TBCB: variants seen among roughly 807,000 people sequenced by gnomAD.
TBCB encodes the protein tubulin-folding cofactor B.
A neutral mutation model predicts 29.2 loss-of-function variants in TBCB; 18 were observed. The ratio of observed to expected loss-of-function variants is 0.62; its 90% CI spans 0.43 to 0.91. The LOEUF (loss-of-function observed/expected upper bound fraction) is 0.91. Among genes scored for constraint, TBCB ranks in the 40% least tolerant of loss-of-function variants. TBCB has a pLI of 0.00. For missense variants in TBCB, 336 were observed against 337.6 expected, an observed-to-expected ratio of 1.00 and a Z score of 0.04; for synonymous variants, 172 against 137.8, an observed-to-expected ratio of 1.25 and a Z score of -1.74.
At chr19:36,120,941 T>A (rs1014726206) in intron 3 of TBCB, 135 bp downstream of exon 3, 1 of 776,986 alleles carries the variant, frequency 1.3e-6, no homozygotes, top group Non-Finnish European at 2.1e-6. Flanking sequence ...TGGGAGGATA[T>A]AGGGGTGAGG....
intron 1 of TBCB, 119 bp from the exon 2 acceptor site, chr19:36,115,922 C>A: frequency 2.1e-6 from 3 of 1,426,368 alleles, no homozygotes; most frequent in Non-Finnish European, 2.9e-6. Flanking sequence ...GGCTGGATTG[C>A]GGCCCCGTGC....
chr19:36,120,904 A>T, intron 3 of TBCB, 98 bp downstream of exon 3: 2 of 1,125,734 alleles, frequency 1.8e-6, no homozygotes, highest in Non-Finnish European at 1.3e-6. Context: ...CAGGGAGGCC[A>T]GTGGTGTAGA....
rs764406339 is a variant in TBCB, at chr19:36,115,654, C to T, written c.94C>T (p.Leu32Phe). The part of the protein sequence containing the change: ...FRSEKRYSRS[L>F]TIAEFKCKLE... The stretch of plus-strand genomic sequence containing the variant: ...CTCCGAGAAGCGATACAGCCGCAGC[C>T]TCACCATCGCTGAGTTCAAGGTGTG... The change falls in exon 1 of 6, where the codon CTC becomes TTC. Residue 32 changes from leucine (L) to phenylalanine (F), a missense_variant. Physicochemically the swap from Leu to Phe is conservative, Grantham distance 22. Transcript: ENST00000221855. 3 of 1,604,296 alleles carry T rather than the reference C, an allele frequency of 1.9e-6. No homozygotes were observed. Among genetic ancestry groups the T allele is most frequent in the South Asian group, 1.1e-5 (1 of 89,302 alleles).
intron 4 of TBCB, among the ~76,000 whole-genome samples, chr19:36,124,435 G>A (rs1974104595): frequency 6.6e-6 from 1 of 152,022 alleles, no homozygotes; most frequent in Non-Finnish European, 1.5e-5. Context: ...TGGCCAGGCT[G>A]GTCTCAAACT....
At position 36,115,525 on chromosome 19, in the gene TBCB, T is replaced by A. The variant is rs774181334; in HGVS notation, c.-36T>A. ...GGCTGCGGAGCGGGTGTGAGGCGGC[T>A]GGACCGCGCTGCAGGCATCCGCAGG... On this transcript the variant is annotated 5_prime_UTR_variant, in exon 1 of 6. Coordinates refer to ENST00000221855, the MANE Select transcript of TBCB (RefSeq NM_001281.3). The A allele has an allele frequency of 6.5e-7, 1 of 1,529,660 alleles. No individual in the cohort carries two copies. 94.8% of individuals were successfully genotyped at this position (1,529,660 alleles called of 1,614,324 possible). A position where few individuals can be genotyped will look rare whatever the true frequency, so the allele number is the denominator to read the frequency against.
chr19:36,121,848 C>T, intron 4 of TBCB, 130 bp downstream of exon 4: 1 of 1,197,898 alleles, frequency 8.3e-7, no homozygotes, highest in Non-Finnish European at 1.2e-6. Flanking sequence ...TCGAAACGAT[C>T]TCAGTCCCTG....
At chr19:36,123,515 T>C (rs1424752176) in intron 4 of TBCB, among the ~76,000 whole-genome samples, 1 of 152,122 alleles carries the variant, frequency 6.6e-6, no homozygotes, top group Admixed American at 6.5e-5. Flanking sequence ...TCGTCCTGCT[T>C]CAGCCTCCCA....
chr19:36,121,563 G>A lies in TBCB; in HGVS notation c.392G>A (p.Gly131Asp). 11 of 1,560,634 alleles carry A rather than the reference G, an allele frequency of 7.0e-6. No homozygotes were observed. The highest frequency in any genetic ancestry group is 9.5e-6 in the Non-Finnish European group (11 of 1,154,216). ...TCTTTCCTGAAGCGCAGCAAGCTCG[G>A]CCGGTACAACGAGGAGGAGCGGGCT... ...VRSFLKRSKL[G>D]RYNEEERAQQ... The change falls in exon 4 of 6, where the codon GGC becomes GAC. Residue 131 changes from glycine to aspartate, a missense_variant. Coordinates refer to ENST00000221855, the MANE Select transcript of TBCB (RefSeq NM_001281.3).
At chr19:36,125,545 G>T (rs1283286163) in intron 5 of TBCB, 22 bp downstream of exon 5, 2 of 1,613,834 alleles carry the variant, frequency 1.2e-6, no homozygotes, top group East Asian at 2.2e-5. Context: ...TCCCACTCAG[G>T]TGTCTGTGTG....
rs754781762 is a variant in TBCB, at chr19:36,115,580, C to T, written c.20C>T (p.Ser7Leu). The T allele has an allele frequency of 1.9e-6, 3 of 1,608,862 alleles. No homozygotes were observed. Among genetic ancestry groups the T allele is most frequent in the African/African-American group, 2.7e-5 (2 of 74,756 alleles). The change falls in exon 1 of 6, where the codon TCG (serine) becomes TTG (leucine). Residue 7 changes from serine (S) to leucine (L), a missense_variant. By Grantham distance (145) the Ser-to-Leu change is moderately radical. Transcript: ENST00000221855. MEVTGV[S>L]APTVTVFISS... ...GGCAAGATGGAGGTGACGGGGGTGT[C>T]GGCACCCACGGTGACCGTTTTCATC...
At chr19:36,116,212 C>T (rs1198999984) in intron 2 of TBCB, 28 bp downstream of exon 2, 2 of 1,607,244 alleles carry the variant, frequency 1.2e-6, no homozygotes, top group South Asian at 1.1e-5. Flanking sequence ...GGGACACTCC[C>T]CCACCCCACC....
At chr19:36,117,419 A>C (rs1973974547) in intron 2 of TBCB, among the ~76,000 whole-genome samples, 1 of 152,138 alleles carries the variant, frequency 6.6e-6, no homozygotes, top group South Asian at 2.1e-4. Flanking sequence ...ATCTCAGCTC[A>C]CTGCAACCTC....
chr19:36,115,045 T>A (rs1383684750), upstream of TBCB: 1 of 613,790 alleles, frequency 1.6e-6, no homozygotes. Flanking sequence ...AATCTTTTGA[T>A]ATCTTAGAGT....
chr19:36,115,761 T>A, intron 1 of TBCB, 87 bp downstream of exon 1: 2 of 1,231,852 alleles, frequency 1.6e-6, no homozygotes, highest in Non-Finnish European at 2.3e-6. Flanking sequence ...GGCCGGGGAG[T>A]GACTGGGCGG....
At chr19:36,122,245 T>A in intron 4 of TBCB, 1 of 193,312 alleles carries the variant, frequency 5.2e-6, no homozygotes, top group Non-Finnish European at 1.1e-5. Context: ...GTCAGGGGCA[T>A]GGGCAGGGCG....
At position 36,121,708 on chromosome 19, in the gene TBCB, C is replaced by T. The variant is rs1230444611; in HGVS notation, c.537C>T (p.Val179=). 8.4e-6 allele frequency: 13 copies of T among 1,552,402 alleles called. No homozygotes were observed. Among genetic ancestry groups the T allele is most frequent in the Non-Finnish European group, 8.7e-6 (10 of 1,149,216 alleles). Residue 179 remains valine, a synonymous_variant, in exon 4 of 6, where the codon GTC becomes GTT. Coordinates refer to ENST00000221855, the MANE Select transcript of TBCB (RefSeq NM_001281.3). ...GACAATCCCCTCGCCGGGGCACCGT[C>T]ATGTATGTAGGTGCGTGGCTCGCGG... ...AAGQSPRRGT[V]MYVGLTDFKP...
chr19:36,115,299 C>G (rs1315968394), upstream of TBCB: 9 of 547,800 alleles, frequency 1.6e-5, no homozygotes, highest in Non-Finnish European at 2.9e-5. Flanking sequence ...GGTCCTTTCC[C>G]GGGCCGCTAT....
upstream of TBCB, chr19:36,115,218 G>T: frequency 1.9e-6 from 1 of 538,698 alleles, no homozygotes; most frequent in South Asian, 2.4e-5. Flanking sequence ...GCATGCGCGA[G>T]TTTACCCTTC....
chr19:36,119,893 CAAA>C (rs574254238), intron 2 of TBCB, among the ~76,000 whole-genome samples: 5 of 122,198 alleles, frequency 4.1e-5, no homozygotes, highest in Admixed American at 8.4e-5. Flanking sequence ...GAGACTCCGT[CAAA>C]AAAAAAAAAA....
Sources: gnomAD v4.1 joint callset for allele counts (sites outside exome capture counted in the v4.1 genomes callset) on GRCh38, gnomAD v4.1.1 for gene constraint, MANE v1.5 for transcripts, NCBI Gene and HGNC (gene_info 2026-07-23, HGNC 2026-07-21) for gene names.